RUNX2: variants seen among roughly 807,000 people sequenced by gnomAD.
RUNX2 encodes the protein RUNX family transcription factor 2.
Under a neutral mutation model 51.7 loss-of-function variants are expected in RUNX2, and 10 were observed. The observed-to-expected ratio is 0.19, with a 90% CI of 0.12 to 0.33. The LOEUF (loss-of-function observed/expected upper bound fraction) is 0.33, where lower values mean the gene tolerates loss of function less well. RUNX2 is among the 10% of genes least tolerant of loss of function. The probability of loss-of-function intolerance (pLI) is 1.00; values close to 1 mark genes in which losing one functional copy is unlikely to be tolerated. For missense variants in RUNX2, 562 were observed against 691.3 expected (o/e 0.81, Z 2.10); for synonymous variants, 276 against 273.6 (o/e 1.01, Z -0.09).
Position 45,328,332 on chromosome 6 carries a change from T to G in RUNX2, c.-195T>G. ...TTTTTGGATTGTGTGAATGCTTCAT[T>G]CGCCTCACAAACAACCACAGAACCA... On this transcript the variant is annotated 5_prime_UTR_variant, in exon 1 of 9. The change creates a new upstream start codon in the 5' untranslated region. Transcript: ENST00000647337. The G allele has an allele frequency of 7.3e-7, 1 of 1,375,460 alleles. No individual in the cohort carries two copies. Among genetic ancestry groups the G allele is most frequent in the Non-Finnish European group, 9.7e-7 (1 of 1,027,660 alleles). The allele number at this position is 1,375,460 out of a possible 1,614,324, so 85.2% of individuals were successfully genotyped here. A position where few individuals can be genotyped will look rare whatever the true frequency, so the allele number is the denominator to read the frequency against.
intron 5 of RUNX2, among the ~76,000 whole-genome samples, chr6:45,454,922 T>C (rs1486588813): frequency 6.6e-6 from 1 of 152,180 alleles, no homozygotes; most frequent in Non-Finnish European, 1.5e-5. Flanking sequence ...GAGACCAGCC[T>C]TGCCAACATA....
chr6:45,533,964 G>A (rs1411591975), intron 7 of RUNX2, among the ~76,000 whole-genome samples: 1 of 142,474 alleles, frequency 7.0e-6, no homozygotes, highest in Non-Finnish European at 1.5e-5. Context: ...GCTCGATCTC[G>A]GCTCACTGCA....
At chr6:45,344,362 G>A (rs1402919793) in intron 2 of RUNX2, among the ~76,000 whole-genome samples, 1 of 151,818 alleles carries the variant, frequency 6.6e-6, no homozygotes, top group Non-Finnish European at 1.5e-5. Flanking sequence ...CCTTAAAACT[G>A]ACTTGCCCTT....
chr6:45,346,808 G>A (rs559186628), intron 2 of RUNX2, among the ~76,000 whole-genome samples: 4 of 152,020 alleles, frequency 2.6e-5, no homozygotes, highest in South Asian at 4.2e-4. Flanking sequence ...CAGGTGATTC[G>A]CCCACCTTGG....
At chr6:45,404,275 G>GAAAAAAAAAAAAAAAAAAAA (rs1174063286) in intron 2 of RUNX2, among the ~76,000 whole-genome samples, 2 of 107,686 alleles carry the variant, frequency 1.9e-5, no homozygotes, top group African/African-American at 3.2e-5. Context: ...AAAAAAAAAA[G>GAAAAAAAAAAAAAAAAAAAA]AAAAAGAAAA....
intron 5 of RUNX2, among the ~76,000 whole-genome samples, chr6:45,484,429 T>A (rs1800207841): frequency 6.6e-6 from 1 of 152,140 alleles, no homozygotes; most frequent in Non-Finnish European, 1.5e-5. Flanking sequence ...GGTCTTTGAT[T>A]CCTAGACATT....
intron 2 of RUNX2, among the ~76,000 whole-genome samples, chr6:45,347,780 G>A (rs745908306): frequency 4.1e-5 from 6 of 147,662 alleles, no homozygotes; most frequent in African/African-American, 1.3e-4. Flanking sequence ...AAAAAAAGAC[G>A]TATATTTCAT....
At chr6:45,385,385 T>A (rs759113847) in intron 2 of RUNX2, among the ~76,000 whole-genome samples, 5 of 152,198 alleles carry the variant, frequency 3.3e-5, no homozygotes, top group Non-Finnish European at 5.9e-5. Flanking sequence ...GAACTTCCCC[T>A]TACGGTAAAC....
intron 6 of RUNX2, among the ~76,000 whole-genome samples, chr6:45,508,191 A>G (rs1801032256): frequency 6.9e-6 from 1 of 145,928 alleles, no homozygotes; most frequent in Non-Finnish European, 1.5e-5. Flanking sequence ...AGTGAACCCC[A>G]TAACCCCATA....
At chr6:45,395,116 G>T (rs1217898399) in intron 2 of RUNX2, among the ~76,000 whole-genome samples, 1 of 152,190 alleles carries the variant, frequency 6.6e-6, no homozygotes, top group Non-Finnish European at 1.5e-5. Flanking sequence ...ATCTGTGATT[G>T]TCTATATTCA....
At chr6:45,485,695 G>GTATATATA (rs1389655363) in intron 5 of RUNX2, among the ~76,000 whole-genome samples, 41 of 107,158 alleles carry the variant, frequency 3.8e-4, no homozygotes, top group South Asian at 5.7e-4. Context: ...GTGTGTGTGT[G>GTATATATA]TGTATATATA....
chr6:45,362,054 AAACAAC>A (rs375160471), intron 2 of RUNX2, among the ~76,000 whole-genome samples: 9 of 151,938 alleles, frequency 5.9e-5, no homozygotes, highest in East Asian at 1.9e-4. Context: ...TTCCTCTCAA[AAACAAC>A]AACAACAACA....
chr6:45,455,114 A>ATT, intron 5 of RUNX2, among the ~76,000 whole-genome samples: 1 of 152,174 alleles, frequency 6.6e-6, no homozygotes, highest in Non-Finnish European at 1.5e-5. Context: ...TTTGGGAAGA[A>ATT]AAAAAAGAAA....
At chr6:45,418,708 C>A (rs1798115781) in intron 2 of RUNX2, among the ~76,000 whole-genome samples, 1 of 152,126 alleles carries the variant, frequency 6.6e-6, no homozygotes, top group Non-Finnish European at 1.5e-5. Context: ...TCAGTCAGTT[C>A]CAGTCGAAAG....
intron 5 of RUNX2, among the ~76,000 whole-genome samples, chr6:45,442,855 A>G (rs1389671001): frequency 6.6e-6 from 1 of 151,866 alleles, no homozygotes; most frequent in Non-Finnish European, 1.5e-5. Flanking sequence ...GGATGGCTGC[A>G]TGGTTGGGCT....
chr6:45,380,476 G>A (rs1463500695), intron 2 of RUNX2, among the ~76,000 whole-genome samples: 3 of 152,206 alleles, frequency 2.0e-5, no homozygotes, highest in African/African-American at 4.8e-5. Flanking sequence ...AGTGCCCATG[G>A]GCATCTTAAA....
Position 45,431,922 on chromosome 6 carries a change from T to A in RUNX2, c.483T>A (p.Asp161Glu). 1 of 1,614,132 alleles carries A rather than the reference T, an allele frequency of 6.2e-7. No individual in the cohort carries two copies. Among genetic ancestry groups the A allele is most frequent in the Non-Finnish European group, 8.5e-7 (1 of 1,180,022 alleles). The change falls in exon 4 of 9, where the codon GAT becomes GAA. Residue 161 changes from aspartate to glutamate, a missense_variant. By Grantham distance (45) the Asp-to-Glu change is conservative. Transcript: ENST00000647337. ...GTVVTVMAGN[D>E]ENYSAELRNA... is the part of the protein sequence containing the mutation. Reference sequence around the variant, plus strand: ...TGGTTACTGTCATGGCGGGTAACGATGAAAATTATTCTGCTGAGCTCCGGA... The same window carrying A: ...TGGTTACTGTCATGGCGGGTAACGAAGAAAATTATTCTGCTGAGCTCCGGA...
rs1554355143 is a variant in RUNX2, at chr6:45,346,563, A to ATTTC, written c.58+17783_58+17786dup. 5.3e-5 allele frequency among the ~76,000 whole-genome samples: 6 copies of ATTTC among 112,592 alleles called. No homozygotes were observed. In the East Asian group the frequency reaches 1.4e-3, roughly 26 times the overall value. The allele number at this position is 112,592 out of a possible 152,430, so 73.9% of individuals were successfully genotyped here. On this transcript the variant is annotated intron_variant, in intron 2 of 8. Coordinates refer to ENST00000647337, the MANE Select transcript of RUNX2 (RefSeq NM_001024630.4). The stretch of plus-strand genomic sequence containing the variant: ...GGCATATAATAGGAATTCAATAAAC[A>ATTTC]TTTCTTTTTTTTTTTTTTTCTTGAG...
chr6:45,532,162 ATTTTTT>A (rs3055521), intron 7 of RUNX2, among the ~76,000 whole-genome samples: 67 of 85,130 alleles, frequency 7.9e-4, no homozygotes, highest in African/African-American at 2.7e-3. Context: ...GAAAACCTAG[ATTTTTT>A]TTTTTTTTTT....
Sources: gnomAD v4.1 joint callset for allele counts (sites outside exome capture counted in the v4.1 genomes callset) on GRCh38, gnomAD v4.1.1 for gene constraint, MANE v1.5 for transcripts, NCBI Gene and HGNC (gene_info 2026-07-23, HGNC 2026-07-21) for gene names.